KTN1: variants seen among roughly 807,000 people sequenced by gnomAD.
KTN1 encodes kinectin.
Under a neutral mutation model 222.5 loss-of-function variants are expected in KTN1, and 130 were observed. The ratio of observed to expected loss-of-function variants is 0.58; its 90% CI spans 0.51 to 0.68. The LOEUF is 0.68. Ranked by LOEUF, KTN1 falls within the 30% of genes least tolerant of loss-of-function variation. The pLI, the probability that KTN1 is intolerant of heterozygous loss-of-function variation, is 0.00. For synonymous variants in KTN1, 512 were observed against 496.3 expected, an observed-to-expected ratio of 1.03 and a Z score of -0.42; for missense variants, 1,508 against 1,500.4, an observed-to-expected ratio of 1.01 and a Z score of -0.08.
intron 33 of KTN1, among the ~76,000 whole-genome samples, chr14:55,664,346 A>T (rs2044469726): frequency 6.6e-6 from 1 of 152,158 alleles, no homozygotes; most frequent in Non-Finnish European, 1.5e-5. Flanking sequence ...GGTTAAGATA[A>T]CTTTCATGAA....
At chr14:55,652,745 G>A in intron 25 of KTN1, 105 bp from the exon 26 acceptor site, 1 of 696,620 alleles carries the variant, frequency 1.4e-6, no homozygotes, top group East Asian at 2.7e-5. Context: ...TCAATCAGCT[G>A]GTCTGTGAGT....
intron 5 of KTN1, among the ~76,000 whole-genome samples, chr14:55,627,084 T>A (rs1261098575): frequency 6.6e-6 from 1 of 152,186 alleles, no homozygotes; most frequent in Non-Finnish European, 1.5e-5. Flanking sequence ...CTTTACTATA[T>A]TTGGTGGTCT....
chr14:55,662,289 C>T (rs1040579177), intron 32 of KTN1, among the ~76,000 whole-genome samples: 24 of 151,978 alleles, frequency 1.6e-4, no homozygotes, highest in Admixed American at 1.4e-3. Flanking sequence ...AGGCTGGTCT[C>T]GAACTCCTGA....
chr14:55,630,193 C>A, intron 7 of KTN1, 96 bp downstream of exon 7: 1 of 1,080,746 alleles, frequency 9.3e-7, no homozygotes, highest in Non-Finnish European at 1.4e-6. Context: ...CTTTCTTGGG[C>A]CATCAACATA....
Position 55,616,491 on chromosome 14 carries a change from A to T in KTN1, c.524-26A>T, listed in dbSNP as rs1337484635. The T allele has an allele frequency of 3.9e-6, 6 of 1,547,184 alleles. No homozygotes were observed. In the African/African-American group the frequency reaches 4.2e-5, roughly 11 times the overall value. On this transcript the variant is annotated intron_variant, in intron 2 of 43. Coordinates refer to ENST00000395314, the MANE Select transcript of KTN1 (RefSeq NM_001079521.2). ...GTTATGTTCATTGTTTGCCACAATT[A>T]TTTTTTTTGTTTGTGTTTAATAAAG... is the stretch of plus-strand genomic sequence containing the variant.
intron 18 of KTN1, among the ~76,000 whole-genome samples, chr14:55,644,685 A>G (rs2042128666): frequency 6.6e-6 from 1 of 152,030 alleles, no homozygotes; most frequent in South Asian, 2.1e-4. Context: ...GAAAACTATA[A>G]GAAGTTTCTT....
chr14:55,619,923 C>G (rs986462651), intron 5 of KTN1, among the ~76,000 whole-genome samples: 6 of 152,122 alleles, frequency 3.9e-5, no homozygotes, highest in Non-Finnish European at 7.3e-5. Context: ...ATCATTAATT[C>G]AAAAGTCCAC....
intron 9 of KTN1, among the ~76,000 whole-genome samples, chr14:55,635,181 AAAG>A (rs1327586717): frequency 3.9e-5 from 6 of 152,204 alleles, no homozygotes; most frequent in Admixed American, 3.9e-4. Context: ...GATGAAAGAA[AAAG>A]AAGCATGTGC....
At chr14:55,658,164 C>G (rs1322964987) in intron 29 of KTN1, among the ~76,000 whole-genome samples, 1 of 152,048 alleles carries the variant, frequency 6.6e-6, no homozygotes, top group Non-Finnish European at 1.5e-5. Context: ...GCTGGGGCAT[C>G]TAGTGGATGG....
intron 12 of KTN1, among the ~76,000 whole-genome samples, chr14:55,638,856 C>G (rs1427245544): frequency 1.3e-5 from 2 of 151,828 alleles, no homozygotes; most frequent in East Asian, 3.9e-4. Context: ...AAAGTTGTTA[C>G]TAAGGAGAAG....
intron 1 of KTN1, among the ~76,000 whole-genome samples, chr14:55,596,110 G>A (rs1190475931): frequency 7.2e-6 from 1 of 138,520 alleles, no homozygotes; most frequent in Non-Finnish European, 1.5e-5. Context: ...AGCTGAGATC[G>A]TGCCACTGCA....
intron 32 of KTN1, 138 bp from the exon 33 acceptor site, chr14:55,663,817 G>A: frequency 1.8e-6 from 1 of 569,024 alleles, no homozygotes; most frequent in Non-Finnish European, 3.1e-6. Context: ...TTATTTTTTT[G>A]CTAATATGCA....
chr14:55,606,551 T>C (rs2036752858), intron 1 of KTN1, among the ~76,000 whole-genome samples: 1 of 152,150 alleles, frequency 6.6e-6, no homozygotes, highest in Non-Finnish European at 1.5e-5. Context: ...TTGTTTTTAA[T>C]GTGAAGAAAA....
intron 34 of KTN1, chr14:55,668,251 G>A (rs960907885): frequency 6.6e-6 from 1 of 151,902 alleles, no homozygotes; most frequent in African/African-American, 2.4e-5. Flanking sequence ...ACTGTAGTTT[G>A]TTTTAATCAG....
chr14:55,641,595 G>C, intron 17 of KTN1, 97 bp from the exon 18 acceptor site: 1 of 802,238 alleles, frequency 1.2e-6, no homozygotes, highest in Non-Finnish European at 2.2e-6. Flanking sequence ...AGGACTGAAA[G>C]CTGAGATAAA....
chr14:55,656,595 A>C (rs888684434), intron 29 of KTN1, among the ~76,000 whole-genome samples: 11 of 151,970 alleles, frequency 7.2e-5, no homozygotes, highest in Non-Finnish European at 1.6e-4. Flanking sequence ...CCTCTAGAGT[A>C]GCTGGGACTA....
At chr14:55,676,658 C>G (rs1041894458) in intron 41 of KTN1, among the ~76,000 whole-genome samples, 3 of 152,004 alleles carry the variant, frequency 2.0e-5, no homozygotes. Context: ...TTCCCTATAC[C>G]CTCACCAATA....
chr14:55,669,319 C>G (rs1009680409), intron 34 of KTN1, among the ~76,000 whole-genome samples: 1 of 151,932 alleles, frequency 6.6e-6, no homozygotes, highest in African/African-American at 2.4e-5. Flanking sequence ...ATGGATGATA[C>G]TGTTTGGCTT....
intron 22 of KTN1, among the ~76,000 whole-genome samples, 181 bp downstream of exon 22, chr14:55,649,994 TA>T (rs34854168): frequency 0.34 from 48,714 of 141,518 alleles, 7,972 homozygotes; most frequent in South Asian, 0.39. Context: ...TCAGTATAAT[TA>T]AAAAAAAAAA....
Sources: gnomAD v4.1 joint callset for allele counts (sites outside exome capture counted in the v4.1 genomes callset) on GRCh38, gnomAD v4.1.1 for gene constraint, MANE v1.5 for transcripts, NCBI Gene and HGNC (gene_info 2026-07-23, HGNC 2026-07-21) for gene names.